Variants in NSUN6 observed in about 807,000 individuals in gnomAD.
NSUN6 encodes the protein NOP2/Sun RNA methyltransferase 6.
NSUN6 carries 64 observed loss-of-function variants against 58.0 expected under a neutral mutation model. That is an observed-to-expected ratio of 1.10 (90% confidence interval 0.90 to 1.36). The LOEUF (loss-of-function observed/expected upper bound fraction) is 1.36, where lower values mean the gene tolerates loss of function less well. NSUN6 is among the 40% of genes most tolerant of loss of function. NSUN6 has a pLI of 0.00. For missense variants in NSUN6, 701 were observed against 550.1 expected, an observed-to-expected ratio of 1.27 and a Z score of -2.74; for synonymous variants, 231 against 193.9, an observed-to-expected ratio of 1.19 and a Z score of -1.59.
intron 7 of NSUN6, among the ~76,000 whole-genome samples, chr10:18,595,262 T>A (rs1213903559): frequency 6.6e-6 from 1 of 152,174 alleles, no homozygotes; most frequent in African/African-American, 2.4e-5. Flanking sequence ...AAATTTTGTG[T>A]CTTCACACAT....
At chr10:18,635,330 G>A (rs1012193291) in intron 3 of NSUN6, among the ~76,000 whole-genome samples, 2 of 152,146 alleles carry the variant, frequency 1.3e-5, no homozygotes, top group Admixed American at 1.3e-4. Flanking sequence ...AGCCATTAGT[G>A]TGACTGTATG....
At chr10:18,652,220 T>A (rs2059722049), upstream of NSUN6, 4 of 984,644 alleles carry the variant, frequency 4.1e-6, no homozygotes, top group South Asian at 1.9e-4. Context: ...CGCCATTATT[T>A]TTTTTTCTTT....
intron 6 of NSUN6, among the ~76,000 whole-genome samples, chr10:18,603,593 C>A (rs2057935289): frequency 6.6e-6 from 1 of 151,842 alleles, no homozygotes; most frequent in Admixed American, 6.6e-5. Context: ...GCCTCAGCCT[C>A]CCAAATAGCT....
At chr10:18,637,922 T>A (rs1170232935) in intron 3 of NSUN6, among the ~76,000 whole-genome samples, 1 of 152,216 alleles carries the variant, frequency 6.6e-6, no homozygotes, top group African/African-American at 2.4e-5. Context: ...TACATGTGCA[T>A]TCATGTATGC....
At chr10:18,588,817 A>G (rs1462655312) in intron 7 of NSUN6, among the ~76,000 whole-genome samples, 5 of 152,262 alleles carry the variant, frequency 3.3e-5, no homozygotes, top group African/African-American at 4.8e-5. Flanking sequence ...AGGAAATAAC[A>G]GCACAAAAAT....
In NSUN6 at chr10:18,590,489, C is replaced by T. The variant is rs140107874; in HGVS notation, c.778-4396G>A. Among the ~76,000 whole-genome samples, 766 of 152,196 alleles carry T rather than the reference C, an allele frequency of 5.0e-3. 6 individuals are homozygous for T. The highest frequency in any genetic ancestry group is 0.017 in the African/African-American group (722 of 41,520). ...TGCCACATGGCACTTATTCTAAACT[C>T]GACCACATAACTGGGAGTAAAACAC... On this transcript the variant is annotated intron_variant, in intron 7 of 10. Coordinates refer to ENST00000377304, the MANE Select transcript of NSUN6 (RefSeq NM_182543.5).
At chr10:18,653,287 A>G (rs1000504946), upstream of NSUN6, 2 of 979,292 alleles carry the variant, frequency 2.0e-6, no homozygotes, top group African/African-American at 1.7e-5. Flanking sequence ...GAACATCTCT[A>G]TAAACTATGG....
At chr10:18,560,312 T>C (rs567915460) in intron 8 of NSUN6, among the ~76,000 whole-genome samples, 1 of 144,796 alleles carries the variant, frequency 6.9e-6, no homozygotes, top group African/African-American at 2.6e-5. Flanking sequence ...ATAGAATGGA[T>C]AATGGAATGG....
chr10:18,616,202 T>C lies in NSUN6; in HGVS notation c.403A>G (p.Ile135Val), dbSNP rs1376899822. ...LRGAHVYAPGIVSASQFMKAG... is the reference protein window; with the variant it reads ...LRGAHVYAPGVVSASQFMKAG... The stretch of plus-strand genomic sequence containing the variant: ...TACTTACATTGTGATGCTGACACAA[T>C]TCCTGGGGCATAGACATGGGCTCCT... Residue 135 changes from isoleucine to valine, a missense_variant, in exon 4 of 11, where the codon ATT becomes GTT. By Grantham distance (29) the Ile-to-Val change is conservative. Transcript: ENST00000377304. The C allele has an allele frequency of 2.5e-6, 4 of 1,579,348 alleles. No individual in the cohort carries two copies. Among genetic ancestry groups the C allele is most frequent in the Non-Finnish European group, 3.5e-6 (4 of 1,148,502 alleles).
chr10:18,625,383 T>C (rs1482633761), intron 3 of NSUN6, among the ~76,000 whole-genome samples: 1 of 152,048 alleles, frequency 6.6e-6, no homozygotes, highest in Non-Finnish European at 1.5e-5. Flanking sequence ...GGAAGACCTA[T>C]ATAACTGAAA....
intron 5 of NSUN6, among the ~76,000 whole-genome samples, chr10:18,613,880 A>C (rs977169811): frequency 6.6e-6 from 1 of 152,182 alleles, no homozygotes; most frequent in East Asian, 1.9e-4. Flanking sequence ...ACAGAACTCA[A>C]AAAGCCTGAA....
intron 8 of NSUN6, among the ~76,000 whole-genome samples, chr10:18,557,593 G>A (rs2055137264): frequency 6.6e-6 from 1 of 150,538 alleles, no homozygotes; most frequent in South Asian, 2.1e-4. Context: ...AATGGAGAAT[G>A]GAATGGAAGA....
chr10:18,630,557 A>T (rs2058992561), intron 3 of NSUN6, among the ~76,000 whole-genome samples: 1 of 152,232 alleles, frequency 6.6e-6, no homozygotes, highest in East Asian at 1.9e-4. Context: ...ATGCGATAAA[A>T]AATGACAAAG....
chr10:18,634,836 T>C (rs2059159340), intron 3 of NSUN6, among the ~76,000 whole-genome samples: 2 of 151,830 alleles, frequency 1.3e-5, no homozygotes, highest in African/African-American at 2.4e-5. Flanking sequence ...TTGAAAAATG[T>C]GTTAACAGAA....
At position 18,551,814 on chromosome 10, in the gene NSUN6, A is replaced by G. The variant is rs2054621252; in HGVS notation, c.1071+9T>C. 1 of 1,608,708 alleles carries G rather than the reference A, an allele frequency of 6.2e-7. No individual in the cohort carries two copies. Among genetic ancestry groups the G allele is most frequent in the Non-Finnish European group, 8.5e-7 (1 of 1,177,174 alleles). ...TAACTTTGTTTCACAAAAACAGACCACCACATACTGCAGTGAAGAGTTTTC... is the reference window on the plus strand; with the variant it reads ...TAACTTTGTTTCACAAAAACAGACCGCCACATACTGCAGTGAAGAGTTTTC... On this transcript the variant is annotated intron_variant, in intron 9 of 10. Coordinates refer to ENST00000377304, the MANE Select transcript of NSUN6 (RefSeq NM_182543.5).
intron 8 of NSUN6, among the ~76,000 whole-genome samples, chr10:18,562,728 A>AAATGG (rs2055618261): frequency 7.2e-6 from 1 of 138,746 alleles, no homozygotes; most frequent in Non-Finnish European, 1.5e-5. Context: ...ATGGAATGCG[A>AAATGG]AATGGAATGG....
intron 7 of NSUN6, among the ~76,000 whole-genome samples, chr10:18,587,680 C>T (rs957014292): frequency 6.6e-6 from 1 of 152,116 alleles, no homozygotes; most frequent in Non-Finnish European, 1.5e-5. Flanking sequence ...CCAGGAAGTG[C>T]AAGCAGCTGG....
upstream of NSUN6, chr10:18,658,657 TGGCTCCA>T: frequency 1.0e-6 from 1 of 983,164 alleles, no homozygotes; most frequent in Non-Finnish European, 1.2e-6. Context: ...CTGAACTCTG[TGGCTCCA>T]GGCCTTCCAT....
chr10:18,558,125 T>C (rs1386942380), intron 8 of NSUN6, among the ~76,000 whole-genome samples: 2 of 144,566 alleles, frequency 1.4e-5, no homozygotes, highest in Non-Finnish European at 1.5e-5. Context: ...GACTGGAGAA[T>C]GGAATGGAAT....
Sources: gnomAD v4.1 joint callset for allele counts (sites outside exome capture counted in the v4.1 genomes callset) on GRCh38, gnomAD v4.1.1 for gene constraint, MANE v1.5 for transcripts, NCBI Gene and HGNC (gene_info 2026-07-23, HGNC 2026-07-21) for gene names.